MYRIP: variants seen among roughly 807,000 people sequenced by gnomAD.
MYRIP encodes rab effector MyRIP.
MYRIP carries 49 observed loss-of-function variants against 98.0 expected under a neutral mutation model. The ratio of observed to expected loss-of-function variants is 0.50; its 90% CI spans 0.40 to 0.63. MYRIP has a LOEUF of 0.63. Ranked by LOEUF, MYRIP falls within the 30% of genes least tolerant of loss-of-function variation. MYRIP has a pLI of 0.00. For missense variants in MYRIP, 1,004 were observed against 1,058.2 expected (o/e 0.95, Z 0.71); for synonymous variants, 404 against 409.5 (o/e 0.99, Z 0.16).
chr3:40,194,045 C>T (rs1481743871), intron 10 of MYRIP, among the ~76,000 whole-genome samples: 2 of 152,048 alleles, frequency 1.3e-5, no homozygotes, highest in African/African-American at 2.4e-5. Flanking sequence ...GTATATTTTA[C>T]ATACAAAAAT....
At chr3:39,967,058 A>C (rs558953641) in intron 2 of MYRIP, among the ~76,000 whole-genome samples, 1 of 152,358 alleles carries the variant, frequency 6.6e-6, no homozygotes, top group African/African-American at 2.4e-5. Context: ...AACCATAGTT[A>C]TCTGGCAGGG....
intron 2 of MYRIP, among the ~76,000 whole-genome samples, chr3:40,010,446 AT>A (rs1292637637): frequency 3.9e-5 from 6 of 152,266 alleles, no homozygotes; most frequent in African/African-American, 1.2e-4. Flanking sequence ...AGCAGTAACC[AT>A]TTCTAAACCC....
chr3:40,053,675 G>C (rs1461976511), intron 3 of MYRIP, among the ~76,000 whole-genome samples: 4 of 152,084 alleles, frequency 2.6e-5, no homozygotes. Context: ...CCAAGTTCAG[G>C]AGTCTCCTTA....
intron 2 of MYRIP, among the ~76,000 whole-genome samples, chr3:39,934,129 G>C (rs1307808177): frequency 3.3e-5 from 5 of 152,190 alleles, no homozygotes; most frequent in African/African-American, 1.2e-4. Flanking sequence ...GGATAATGTT[G>C]TGGTATGACA....
chr3:40,192,131 C>G (rs1951230835), intron 10 of MYRIP, among the ~76,000 whole-genome samples: 1 of 148,960 alleles, frequency 6.7e-6, no homozygotes, highest in African/African-American at 2.5e-5. Context: ...TTATTATTAT[C>G]ATTATTTTTA....
rs1553624960 is a variant in MYRIP at position 40,192,317 on chromosome 3, T to TATGAC, written c.1665+1856_1665+1857insGACAT. Reference sequence around the variant, plus strand: ...CGGCAGTTAGTTTTCTTCATATATATATATATATGTCATATATATATATGT... The same window carrying TATGAC: ...CGGCAGTTAGTTTTCTTCATATATATATGACATATATATGTCATATATATATATGT... On this transcript the variant is annotated intron_variant, in intron 10 of 16. Coordinates refer to ENST00000302541, the MANE Select transcript of MYRIP (RefSeq NM_015460.4). 2.0e-4 allele frequency among the ~76,000 whole-genome samples: 8 copies of TATGAC among 40,148 alleles called. 1 individual carries two copies. Among genetic ancestry groups the TATGAC allele is most frequent in the Non-Finnish European group, 7.8e-4 (8 of 10,292 alleles). The allele number at this position is 40,148 out of a possible 152,430, so 26.3% of individuals were successfully genotyped here.
At chr3:40,149,171 T>C (rs538856122) in intron 3 of MYRIP, among the ~76,000 whole-genome samples, 2 of 152,346 alleles carry the variant, frequency 1.3e-5, no homozygotes, top group Admixed American at 1.3e-4. Context: ...GGTGCCAGCA[T>C]CTGCTTCTGG....
intron 1 of MYRIP, among the ~76,000 whole-genome samples, chr3:39,828,196 T>C (rs1280533867): frequency 6.6e-6 from 1 of 152,130 alleles, no homozygotes; most frequent in Non-Finnish European, 1.5e-5. Flanking sequence ...TCTTCTTCTC[T>C]TCTCCTTCTG....
At chr3:39,817,528 C>T (rs1940960090) in intron 1 of MYRIP, among the ~76,000 whole-genome samples, 1 of 152,104 alleles carries the variant, frequency 6.6e-6, no homozygotes, top group Admixed American at 6.6e-5. Context: ...ACATTAAAAA[C>T]ATTTTTTAAA....
chr3:40,084,260 A>AATAATACACATCTATGTATTATATATCG (rs1559393522), intron 3 of MYRIP, among the ~76,000 whole-genome samples: 36 of 70,312 alleles, frequency 5.1e-4, no homozygotes, highest in Non-Finnish European at 9.8e-4. Flanking sequence ...TAATATATAA[A>AATAATACACATCTATGTATTATATATCG]ATATATAATA....
At chr3:39,923,044 A>G (rs979036404) in intron 2 of MYRIP, among the ~76,000 whole-genome samples, 1 of 152,236 alleles carries the variant, frequency 6.6e-6, no homozygotes, top group African/African-American at 2.4e-5. Flanking sequence ...AGAACCAAGT[A>G]GAAATTTTAG....
At chr3:39,960,296 C>T (rs375399266) in intron 2 of MYRIP, among the ~76,000 whole-genome samples, 2 of 152,114 alleles carry the variant, frequency 1.3e-5, no homozygotes, top group East Asian at 1.9e-4. Flanking sequence ...CTCCCCAAAG[C>T]CCATCATATC....
At chr3:40,033,484 A>C (rs1190332475) in intron 2 of MYRIP, among the ~76,000 whole-genome samples, 1 of 152,200 alleles carries the variant, frequency 6.6e-6, no homozygotes, top group Non-Finnish European at 1.5e-5. Context: ...TTTCAAAGAG[A>C]ATAAAATACC....
At chr3:39,944,673 T>G (rs1373103072) in intron 2 of MYRIP, among the ~76,000 whole-genome samples, 1 of 152,298 alleles carries the variant, frequency 6.6e-6, no homozygotes, top group South Asian at 2.1e-4. Context: ...TATGTCATTG[T>G]AAAATCTAGC....
At chr3:40,127,655 G>T (rs1490018041) in intron 3 of MYRIP, among the ~76,000 whole-genome samples, 2 of 152,190 alleles carry the variant, frequency 1.3e-5, no homozygotes, top group Non-Finnish European at 2.9e-5. Flanking sequence ...CCCGGTTGGG[G>T]GTGGGGGGCA....
chr3:40,020,178 T>G (rs75743054), intron 2 of MYRIP, among the ~76,000 whole-genome samples: 140 of 152,288 alleles, frequency 9.2e-4, no homozygotes, highest in African/African-American at 3.2e-3. Flanking sequence ...TGTCTGTTAT[T>G]CCTGTCTTTA....
intron 5 of MYRIP, among the ~76,000 whole-genome samples, chr3:40,166,359 C>T (rs928250462): frequency 1.3e-5 from 2 of 152,146 alleles, no homozygotes; most frequent in African/African-American, 2.4e-5. Flanking sequence ...TGTGCTTAGA[C>T]CAGTGCTTCA....
intron 1 of MYRIP, among the ~76,000 whole-genome samples, chr3:39,868,689 G>A (rs72868133): frequency 0.018 from 2,808 of 152,168 alleles, 86 homozygotes; most frequent in African/African-American, 0.064. Flanking sequence ...GAATTTGCCC[G>A]TTCCTAGAGA....
chr3:40,169,479 C>G (rs1348593361), intron 7 of MYRIP, among the ~76,000 whole-genome samples: 1 of 152,212 alleles, frequency 6.6e-6, no homozygotes, highest in African/African-American at 2.4e-5. Flanking sequence ...TGTCTACACC[C>G]TTGATAGGGC....
Sources: allele counts gnomAD v4.1 joint callset (sites outside exome capture counted in the v4.1 genomes callset), GRCh38; gene constraint gnomAD v4.1.1; transcripts MANE v1.5; gene names NCBI Gene and HGNC (gene_info 2026-07-23, HGNC 2026-07-21).